The following VLDLR variants were observed in gnomAD, a reference collection of about 807,000 sequenced individuals.
The protein encoded by VLDLR is very low-density lipoprotein receptor.
A neutral mutation model predicts 112.7 loss-of-function variants in VLDLR; 81 were observed. The ratio of observed to expected loss-of-function variants is 0.72; its 90% CI spans 0.60 to 0.86. The LOEUF (loss-of-function observed/expected upper bound fraction) is 0.86, where lower values mean the gene tolerates loss of function less well. Among genes scored for constraint, VLDLR ranks in the 40% least tolerant of loss-of-function variants. The pLI, the probability that VLDLR is intolerant of heterozygous loss-of-function variation, is 0.00. For missense variants in VLDLR, 1,237 were observed against 1,099.4 expected (o/e 1.13, Z -1.77); for synonymous variants, 436 against 384.8 (o/e 1.13, Z -1.56).
chr9:2,645,014 G>A lies in VLDLR; in HGVS notation c.1244G>A (p.Gly415Asp), dbSNP rs1223078271. The change falls in exon 9 of 19, where the codon GGC becomes GAC. Residue 415 changes from glycine to aspartate, a missense_variant. Physicochemically the swap from Gly to Asp is moderately conservative, Grantham distance 94 (BLOSUM62 -1). Transcript: ENST00000382100. The part of the protein sequence containing the change: ...ICSQICINLK[G>D]GYKCECSRGY... The stretch of plus-strand genomic sequence containing the variant: ...AGTCAAATTTGTATCAACTTAAAAG[G>A]CGGTTACAAGTGTGAATGTAGTCGT... 1 of 1,614,186 alleles carries A rather than the reference G, an allele frequency of 6.2e-7. No individual in the cohort carries two copies. Among genetic ancestry groups the A allele is most frequent in the Admixed American group, 1.7e-5 (1 of 60,030 alleles).
In VLDLR at chr9:2,639,958, C is replaced by T; in HGVS notation, c.302C>T (p.Ser101Leu). The T allele has an allele frequency of 6.2e-7, 1 of 1,614,204 alleles. No homozygotes were observed. Among genetic ancestry groups the T allele is most frequent in the Non-Finnish European group, 8.5e-7 (1 of 1,180,040 alleles). Residue 101 changes from serine to leucine, a missense_variant, in exon 3 of 19, where the codon TCA becomes TTA. Ser to Leu is a moderately radical substitution (Grantham distance 145, BLOSUM62 -2). Coordinates refer to ENST00000382100, the MANE Select transcript of VLDLR (RefSeq NM_003383.5). Reference sequence around the variant, plus strand: ...GGAGATCCTGACTGCGAAGATGGTTCAGATGAAAGCCCAGAACAGTGCCGT... The same window carrying T: ...GGAGATCCTGACTGCGAAGATGGTTTAGATGAAAGCCCAGAACAGTGCCGT... Reference protein sequence around the residue: ...CDGDPDCEDGSDESPEQCHMR... With the variant: ...CDGDPDCEDGLDESPEQCHMR...
At chr9:2,638,306 C>T (rs1045843366) in intron 2 of VLDLR, among the ~76,000 whole-genome samples, 1 of 152,176 alleles carries the variant, frequency 6.6e-6, no homozygotes, top group African/African-American at 2.4e-5. Context: ...TAATCACTGT[C>T]TCTCTCCTTT....
In VLDLR at chr9:2,646,600, G is replaced by A. The variant is rs760165733; in HGVS notation, c.1703+48G>A. 2.6e-6 allele frequency: 4 copies of A among 1,564,970 alleles called. No individual in the cohort carries two copies. In the African/African-American group the frequency reaches 5.4e-5, roughly 21 times the overall value. On this transcript the variant is annotated intron_variant, in intron 11 of 18. Coordinates refer to ENST00000382100, the MANE Select transcript of VLDLR (RefSeq NM_003383.5). ...CAGACTTTGGAATGGTATCTGTGTA[G>A]GTCAGGAGCTTTCTCATACCTGAAT...
chr9:2,625,848 A>G (rs1817066299), intron 1 of VLDLR, among the ~76,000 whole-genome samples: 1 of 152,324 alleles, frequency 6.6e-6, no homozygotes, highest in East Asian at 1.9e-4. Context: ...TCTGCCACCT[A>G]AAGAGTTTTG....
intron 1 of VLDLR, among the ~76,000 whole-genome samples, chr9:2,631,072 A>G (rs1426944961): frequency 1.3e-5 from 2 of 152,224 alleles, no homozygotes; most frequent in Non-Finnish European, 2.9e-5. Flanking sequence ...AATCGTTACC[A>G]TTACTAATCA....
In VLDLR at chr9:2,643,887, A is replaced by C. The variant is rs1173174124; in HGVS notation, c.994A>C (p.Ile332Leu). 2.5e-6 allele frequency: 4 copies of C among 1,614,188 alleles called. No homozygotes were observed. Among genetic ancestry groups the C allele is most frequent in the Admixed American group, 3.3e-5 (2 of 60,022 alleles). The change falls in exon 7 of 19, where the codon ATA (isoleucine) becomes CTA (leucine). Residue 332 changes from isoleucine to leucine, a missense_variant. Physicochemically the swap from Ile to Leu is conservative, Grantham distance 5. Transcript: ENST00000382100. Reference sequence around the variant, plus strand: ...ATTCAAGTGCAGAAGTGGAGAATGCATAGATATCAGCAAAGTATGTAACCA... The same window carrying C: ...ATTCAAGTGCAGAAGTGGAGAATGCCTAGATATCAGCAAAGTATGTAACCA... ...GKFKCRSGEC[I>L]DISKVCNQEQ...
At position 2,652,915 on chromosome 9, in the gene VLDLR, G is replaced by GTCTGTCT. The variant is rs1341548260; in HGVS notation, c.2552_2553insTCTGTCT (p.Arg851SerfsTer22). 1 of 1,614,124 alleles carries GTCTGTCT rather than the reference G, an allele frequency of 6.2e-7. No individual in the cohort carries two copies. Among genetic ancestry groups the GTCTGTCT allele is most frequent in the Non-Finnish European group, 8.5e-7 (1 of 1,179,998 alleles). On this transcript the variant is annotated frameshift_variant, in exon 18 of 19. Transcript: ENST00000382100. LOFTEE classifies it high-confidence loss of function. The stretch of plus-strand genomic sequence containing the variant: ...GAGGACCTCTCCATAGACATTGGTA[G>GTCTGTCT]ACACAGTGCTTCTGTTGGACACACG...
At chr9:2,644,162 T>G (rs200488050) in intron 7 of VLDLR, among the ~76,000 whole-genome samples, 2 of 140,328 alleles carry the variant, frequency 1.4e-5, no homozygotes, top group African/African-American at 2.7e-5. Context: ...TGTTTTTTTT[T>G]TTTTTTTTTT....
At chr9:2,638,867 G>C (rs1377058174) in intron 2 of VLDLR, among the ~76,000 whole-genome samples, 1 of 152,164 alleles carries the variant, frequency 6.6e-6, no homozygotes, top group African/African-American at 2.4e-5. Flanking sequence ...ACTTTTAGCT[G>C]GTTGATGTTA....
chr9:2,646,544 A>G lies in VLDLR; in HGVS notation c.1695A>G (p.Pro565=), dbSNP rs1295491494. The G allele has an allele frequency of 1.2e-6, 2 of 1,613,984 alleles. No individual in the cohort carries two copies. The highest frequency in any genetic ancestry group is 2.2e-5 in the East Asian group (1 of 44,892). The part of the protein sequence containing the change: ...LREPASIAVD[P]LSGFVYWSDW... Reference sequence around the variant, plus strand: ...AGCCTGCCTCCATAGCTGTGGACCCACTGTCTGGGTTTGTAGTCTGTTTTC... The same window carrying G: ...AGCCTGCCTCCATAGCTGTGGACCCGCTGTCTGGGTTTGTAGTCTGTTTTC... The change falls in exon 11 of 19, where the codon CCA becomes CCG. Residue 565 remains proline (P), a synonymous_variant. Coordinates refer to ENST00000382100, the MANE Select transcript of VLDLR (RefSeq NM_003383.5).
intron 1 of VLDLR, among the ~76,000 whole-genome samples, chr9:2,633,088 G>GTGTGTGTGTGT (rs59441983): frequency 2.0e-5 from 3 of 148,572 alleles, no homozygotes; most frequent in African/African-American, 7.5e-5. Context: ...GTGTGTGTGT[G>GTGTGTGTGTGT]GTTGAGAGAG....
chr9:2,651,518 A>C lies in VLDLR; in HGVS notation c.2335+20A>C, dbSNP rs1253845510. ...CTGGAGGTATTGAGTTCAGTACTGC[A>C]AACTGTTAATCTCAACTAACAGCCA... On this transcript the variant is annotated intron_variant, in intron 16 of 18. Coordinates refer to ENST00000382100, the MANE Select transcript of VLDLR (RefSeq NM_003383.5). The C allele has an allele frequency of 3.8e-6, 6 of 1,596,978 alleles. No homozygotes were observed. In the East Asian group the frequency reaches 1.1e-4, roughly 30 times the overall value.
chr9:2,650,095 C>T (rs1002870594), intron 14 of VLDLR, among the ~76,000 whole-genome samples: 4 of 152,176 alleles, frequency 2.6e-5, no homozygotes, highest in Non-Finnish European at 5.9e-5. Flanking sequence ...TGGTCCCTCA[C>T]CTCCCTTCCC....
At chr9:2,643,043 A>T in intron 4 of VLDLR, 117 bp from the exon 5 acceptor site, 1 of 1,495,760 alleles carries the variant, frequency 6.7e-7, no homozygotes, top group Non-Finnish European at 9.1e-7. Flanking sequence ...GTAGCCTTTA[A>T]GTTGGGCTAG....
At chr9:2,625,206 T>C (rs1817036570) in intron 1 of VLDLR, among the ~76,000 whole-genome samples, 1 of 152,196 alleles carries the variant, frequency 6.6e-6, no homozygotes, top group Non-Finnish European at 1.5e-5. Flanking sequence ...AAAAAGTTGT[T>C]ACAAGCCCCT....
chr9:2,628,746 A>G lies in VLDLR; in HGVS notation c.82+6475A>G, dbSNP rs1319058585. On this transcript the variant is annotated intron_variant, in intron 1 of 18. Transcript: ENST00000382100. ...TGATTTAGAGTAAGTAATGGGGCCA[A>G]TCAAAGATAGACTACACAGGGAGGG... Among the ~76,000 whole-genome samples the G allele has an allele frequency of 3.3e-5, 5 of 152,282 alleles. No individual in the cohort carries two copies. The East Asian group carries it at 9.7e-4, about 30-fold the overall frequency.
chr9:2,643,996 G>A, intron 7 of VLDLR, 37 bp downstream of exon 7: 1 of 1,613,830 alleles, frequency 6.2e-7, no homozygotes, highest in Non-Finnish European at 8.5e-7. Context: ...GATCCTGGAA[G>A]TTTGACACAA....
At chr9:2,641,349 C>G in intron 3 of VLDLR, 28 bp from the exon 4 acceptor site, 1 of 1,613,814 alleles carries the variant, frequency 6.2e-7, no homozygotes, top group South Asian at 1.1e-5. Flanking sequence ...AGTTCTGAGG[C>G]TCTTTTGAGA....
intron 1 of VLDLR, among the ~76,000 whole-genome samples, chr9:2,632,429 A>T (rs370951308): frequency 6.6e-6 from 1 of 152,196 alleles, no homozygotes; most frequent in African/African-American, 2.4e-5. Context: ...TTGAGGTGTC[A>T]TTGGCTTTAG....
Sources: allele counts gnomAD v4.1 joint callset (sites outside exome capture counted in the v4.1 genomes callset), GRCh38; gene constraint gnomAD v4.1.1; transcripts MANE v1.5; gene names NCBI Gene and HGNC (gene_info 2026-07-23, HGNC 2026-07-21).